Variants in PTPRM observed in about 807,000 individuals in gnomAD.
PTPRM encodes the protein receptor-type tyrosine-protein phosphatase mu.
PTPRM carries 47 observed loss-of-function variants against 186.7 expected under a neutral mutation model. The ratio of observed to expected loss-of-function variants is 0.25; its 90% CI spans 0.20 to 0.32. The LOEUF is 0.32. PTPRM is among the 10% of genes least tolerant of loss of function. The probability of loss-of-function intolerance (pLI) is 1.00; values close to 1 mark genes in which losing one functional copy is unlikely to be tolerated. For synonymous variants in PTPRM, 668 were observed against 674.9 expected (o/e 0.99, Z 0.16); for missense variants, 1,494 against 1,865.0 (o/e 0.80, Z 3.66).
intron 14 of PTPRM, among the ~76,000 whole-genome samples, chr18:8,164,171 G>A (rs908401119): frequency 1.3e-5 from 2 of 152,192 alleles, no homozygotes; most frequent in African/African-American, 4.8e-5. Context: ...ATGAGACTGT[G>A]TTAGCCAAGA....
At chr18:8,012,334 G>A (rs1036039909) in intron 7 of PTPRM, among the ~76,000 whole-genome samples, 1 of 152,194 alleles carries the variant, frequency 6.6e-6, no homozygotes, top group African/African-American at 2.4e-5. Context: ...TCATTTCTGT[G>A]ACAGATCGAC....
intron 22 of PTPRM, among the ~76,000 whole-genome samples, 195 bp downstream of exon 22, chr18:8,319,409 T>C (rs552097115): frequency 8.3e-4 from 126 of 152,334 alleles, no homozygotes; most frequent in African/African-American, 2.8e-3. Flanking sequence ...GTTGAGATCA[T>C]TAGGAGAAAT....
At chr18:8,223,765 A>G (rs1446647692) in intron 14 of PTPRM, among the ~76,000 whole-genome samples, 2 of 152,254 alleles carry the variant, frequency 1.3e-5, no homozygotes, top group Non-Finnish European at 2.9e-5. Context: ...TCGAACGCCA[A>G]TCTATATCAG....
chr18:8,288,373 A>G (rs1172481900), intron 19 of PTPRM, among the ~76,000 whole-genome samples: 3 of 152,326 alleles, frequency 2.0e-5, no homozygotes, highest in African/African-American at 4.8e-5. Flanking sequence ...AGCCCCAGGC[A>G]TGGCTGAGGA....
intron 1 of PTPRM, among the ~76,000 whole-genome samples, chr18:7,647,581 A>C (rs1362564564): frequency 6.6e-6 from 1 of 152,262 alleles, no homozygotes; most frequent in African/African-American, 2.4e-5. Context: ...GAAATATGAT[A>C]TAGTCAGAAC....
chr18:7,688,624 CT>C, intron 1 of PTPRM, among the ~76,000 whole-genome samples: 1 of 152,160 alleles, frequency 6.6e-6, no homozygotes, highest in Non-Finnish European at 1.5e-5. Context: ...TGGAAGAAGA[CT>C]TTATGCCCAA....
Position 8,394,494 on chromosome 18 carries a change from T to G in PTPRM, c.4227T>G (p.Ser1409Arg). The change falls in exon 32 of 33, where the codon AGT becomes AGG. Residue 1409 changes from serine (S) to arginine (R), a missense_variant. This residue lies in a region of PTPRM where 1,107 missense variants were observed against 1,350.2 expected (regional missense o/e 0.82). Coordinates refer to ENST00000580170, the MANE Select transcript of PTPRM (RefSeq NM_001105244.2). The stretch of plus-strand genomic sequence containing the variant: ...ACGACAGGAACGGGGGAGGCCGCAG[T>G]GGGACGTTCTGCGCCATCAGCATCG... ...VVHCLNGGGRSGTFCAISIVC... is the reference protein window; with the variant it reads ...VVHCLNGGGRRGTFCAISIVC... The G allele has an allele frequency of 6.2e-7, 1 of 1,612,464 alleles. No homozygotes were observed. The highest frequency in any genetic ancestry group is 8.5e-7 in the Non-Finnish European group (1 of 1,179,266).
chr18:8,208,519 A>ATT (rs112787043), intron 14 of PTPRM, among the ~76,000 whole-genome samples: 10,241 of 149,268 alleles, frequency 0.069, 1,159 homozygotes, highest in African/African-American at 0.24. Flanking sequence ...GGCAAGGCCT[A>ATT]TTTTTTTTTT....
At chr18:8,303,538 T>C (rs998496734) in intron 20 of PTPRM, among the ~76,000 whole-genome samples, 4 of 152,134 alleles carry the variant, frequency 2.6e-5, no homozygotes, top group Non-Finnish European at 5.9e-5. Flanking sequence ...AGCGAGCTTT[T>C]GGCATTAAAT....
At chr18:8,159,856 C>A (rs2093195127) in intron 14 of PTPRM, among the ~76,000 whole-genome samples, 1 of 151,402 alleles carries the variant, frequency 6.6e-6, no homozygotes, top group Non-Finnish European at 1.5e-5. Context: ...AACAGCTTTG[C>A]TTTTTAAAAA....
intron 1 of PTPRM, among the ~76,000 whole-genome samples, chr18:7,615,015 A>G (rs2037768026): frequency 6.6e-6 from 1 of 152,174 alleles, no homozygotes; most frequent in Admixed American, 6.5e-5. Context: ...ACACATTATT[A>G]TAATAACATT....
rs756039980 is a variant in PTPRM at position 8,376,239 on chromosome 18, G to A, written c.3326+39G>A. 7.5e-6 allele frequency: 12 copies of A among 1,598,702 alleles called. No homozygotes were observed. The South Asian group carries it at 1.1e-4, about 15-fold the overall frequency. ...CAGAGCCTCTTGAAGGAAACGCAGT[G>A]GGTGATGGGTGCAGGGCCACCTTTG... is the stretch of plus-strand genomic sequence containing the variant. On this transcript the variant is annotated intron_variant, in intron 25 of 32. Coordinates refer to ENST00000580170, the MANE Select transcript of PTPRM (RefSeq NM_001105244.2).
intron 7 of PTPRM, among the ~76,000 whole-genome samples, chr18:7,965,223 T>G (rs1418528239): frequency 6.6e-6 from 1 of 152,084 alleles, no homozygotes; most frequent in East Asian, 1.9e-4. Context: ...TATTTTTGTA[T>G]TTAGCAGAGA....
intron 7 of PTPRM, among the ~76,000 whole-genome samples, chr18:8,045,567 A>G (rs1402534932): frequency 6.6e-6 from 1 of 152,224 alleles, no homozygotes; most frequent in Non-Finnish European, 1.5e-5. Context: ...GCCAGTTACA[A>G]CAGACCACAT....
intron 1 of PTPRM, among the ~76,000 whole-genome samples, chr18:7,611,273 A>G (rs973559755): frequency 1.3e-5 from 2 of 152,198 alleles, no homozygotes; most frequent in Non-Finnish European, 1.5e-5. Flanking sequence ...TATGCTTAAA[A>G]AAGTAAATTT....
intron 1 of PTPRM, among the ~76,000 whole-genome samples, chr18:7,753,681 T>C (rs1479371921): frequency 6.6e-6 from 1 of 152,222 alleles, no homozygotes; most frequent in Admixed American, 6.5e-5. Flanking sequence ...TATCTGTAAC[T>C]GCAGACTTTC....
intron 23 of PTPRM, among the ~76,000 whole-genome samples, chr18:8,353,781 G>A (rs2095548495): frequency 6.6e-6 from 1 of 152,150 alleles, no homozygotes; most frequent in Non-Finnish European, 1.5e-5. Flanking sequence ...GTGAGCTGAA[G>A]ACACAGAAAC....
At chr18:7,623,974 AG>A (rs780096709) in intron 1 of PTPRM, among the ~76,000 whole-genome samples, 3 of 152,144 alleles carry the variant, frequency 2.0e-5, no homozygotes, top group Admixed American at 2.0e-4. Flanking sequence ...GAAGGACTAT[AG>A]AAAATCATGC....
In PTPRM at chr18:7,841,759, C is replaced by A. The variant is rs973409773; in HGVS notation, c.197-46347C>A. Among the ~76,000 whole-genome samples, 26 of 152,194 alleles carry A rather than the reference C, an allele frequency of 1.7e-4. 1 individual carries two copies. The highest frequency in any genetic ancestry group is 2.2e-4 in the Non-Finnish European group (15 of 68,012). On this transcript the variant is annotated intron_variant, in intron 2 of 32. Transcript: ENST00000580170. ...CTTACACTACTGAAGCTATGAGTGG[C>A]CCCTTGTAGGTGATTTGAGCATTCT...
Sources: allele counts gnomAD v4.1 joint callset (sites outside exome capture counted in the v4.1 genomes callset), GRCh38; gene constraint gnomAD v4.1.1; regional missense constraint gnomAD v4.1.1; transcripts MANE v1.5; gene names NCBI Gene and HGNC (gene_info 2026-07-23, HGNC 2026-07-21).